MYO3B: variants seen among roughly 807,000 people sequenced by gnomAD.
The protein encoded by MYO3B is myosin IIIB.
A neutral mutation model predicts 174.6 loss-of-function variants in MYO3B; 156 were observed. That is an observed-to-expected ratio of 0.89 (90% CI 0.78 to 1.02). The LOEUF is 1.02. Ranked by LOEUF, MYO3B falls within the 50% of genes least tolerant of loss-of-function variation. The pLI, the probability that MYO3B is intolerant of heterozygous loss-of-function variation, is 0.00. For synonymous variants in MYO3B, 563 were observed against 569.1 expected, an observed-to-expected ratio of 0.99 and a Z score of 0.15; for missense variants, 1,632 against 1,639.4, an observed-to-expected ratio of 1.00 and a Z score of 0.08.
intron 7 of MYO3B, among the ~76,000 whole-genome samples, chr2:170,259,643 A>C (rs1445271473): frequency 1.3e-5 from 2 of 152,256 alleles, no homozygotes; most frequent in Admixed American, 1.3e-4. Context: ...TGGCCTTGGC[A>C]AAGAATTTAT....
intron 25 of MYO3B, among the ~76,000 whole-genome samples, chr2:170,474,968 A>G (rs946926168): frequency 2.0e-5 from 3 of 152,072 alleles, no homozygotes; most frequent in African/African-American, 4.8e-5. Flanking sequence ...CTAAATATAT[A>G]TAGTTACTAT....
intron 25 of MYO3B, among the ~76,000 whole-genome samples, chr2:170,473,274 CT>C (rs1451120716): frequency 1.3e-5 from 2 of 150,978 alleles, no homozygotes; most frequent in African/African-American, 4.9e-5. Flanking sequence ...TCCCGAGTAG[CT>C]GGGACTACAG....
chr2:170,370,149 C>T (rs1333541449), intron 9 of MYO3B, among the ~76,000 whole-genome samples: 1 of 152,132 alleles, frequency 6.6e-6, no homozygotes, highest in Admixed American at 6.6e-5. Flanking sequence ...TTCCTATGCT[C>T]AGCAATTATT....
intron 32 of MYO3B, among the ~76,000 whole-genome samples, chr2:170,552,786 C>A: frequency 6.6e-6 from 1 of 152,184 alleles, no homozygotes; most frequent in East Asian, 1.9e-4. Context: ...TTCATGGCAG[C>A]CCCTCCCATC....
chr2:170,470,102 CAAAAAAAAAAAA>C lies in MYO3B; in HGVS notation c.3014+3408_3014+3419del, dbSNP rs34472083. Among the ~76,000 whole-genome samples the C allele has an allele frequency of 1.7e-4, 8 of 46,366 alleles. 1 individual carries two copies. The highest frequency in any genetic ancestry group is 1.2e-4 in the Non-Finnish European group (3 of 25,810). 30.4% of individuals were successfully genotyped at this position (46,366 alleles called of 152,430 possible). On this transcript the variant is annotated intron_variant, in intron 25 of 34. Transcript: ENST00000408978. ...GGGCAACAAGAGCGAAACTCCGTCT[CAAAAAAAAAAAA>C]AAAAAAAAAAAAAAAAGAAGGAAAG...
rs530212165 is a variant in MYO3B at position 170,205,433 on chromosome 2, C to T, written c.321+5149C>T. ...CTCTCAGTAGAATTTTAATAGCATG[C>T]TTGCAATGCAAGAAAGCCTGTGCCT... On this transcript the variant is annotated intron_variant, in intron 3 of 34. Transcript: ENST00000408978. Among the ~76,000 whole-genome samples, 152 of 152,248 alleles carry T rather than the reference C, an allele frequency of 1.0e-3. 1 individual carries two copies. Among genetic ancestry groups the T allele is most frequent in the African/African-American group, 3.5e-3 (147 of 41,554 alleles).
chr2:170,535,004 A>C (rs1276947954), intron 30 of MYO3B, among the ~76,000 whole-genome samples: 1 of 152,164 alleles, frequency 6.6e-6, no homozygotes, highest in Admixed American at 6.5e-5. Flanking sequence ...GTAGCCACTC[A>C]ATCTAAAATT....
chr2:170,313,704 C>T (rs1421329836), intron 7 of MYO3B, among the ~76,000 whole-genome samples: 5 of 152,194 alleles, frequency 3.3e-5, no homozygotes, highest in Admixed American at 3.3e-4. Flanking sequence ...CTGACAGGGC[C>T]TCTCTTCCTC....
chr2:170,245,402 G>A (rs1054817130), intron 7 of MYO3B, among the ~76,000 whole-genome samples: 3 of 152,194 alleles, frequency 2.0e-5, no homozygotes, highest in Non-Finnish European at 4.4e-5. Context: ...CATGAGGTTT[G>A]ATAGAGCACC....
chr2:170,266,254 A>AT (rs1299873277), intron 7 of MYO3B, among the ~76,000 whole-genome samples: 4 of 152,222 alleles, frequency 2.6e-5, no homozygotes, highest in Admixed American at 1.3e-4. Flanking sequence ...TAATTTTTGG[A>AT]TTTTTTAGAG....
intron 22 of MYO3B, among the ~76,000 whole-genome samples, chr2:170,409,299 C>A (rs1024952973): frequency 1.4e-4 from 22 of 152,320 alleles, no homozygotes; most frequent in African/African-American, 4.6e-4. Context: ...CACCCAACTG[C>A]GGGAGGAACA....
chr2:170,272,204 C>A (rs1240316863), intron 7 of MYO3B, among the ~76,000 whole-genome samples: 1 of 151,912 alleles, frequency 6.6e-6, no homozygotes, highest in African/African-American at 2.4e-5. Flanking sequence ...ATTCACAGGC[C>A]CTAGCCTAGA....
intron 29 of MYO3B, among the ~76,000 whole-genome samples, chr2:170,515,664 T>C (rs757288721): frequency 6.6e-6 from 1 of 151,974 alleles, no homozygotes; most frequent in Non-Finnish European, 1.5e-5. Flanking sequence ...GAGGCTATGA[T>C]TTTTGAAGTA....
intron 7 of MYO3B, among the ~76,000 whole-genome samples, chr2:170,304,876 T>C (rs561682120): frequency 1.3e-5 from 2 of 152,120 alleles, no homozygotes; most frequent in African/African-American, 4.8e-5. Flanking sequence ...AGTTTTCTTT[T>C]GGCCTTCTAA....
At chr2:170,322,107 C>A (rs1358243383) in intron 7 of MYO3B, among the ~76,000 whole-genome samples, 1 of 137,304 alleles carries the variant, frequency 7.3e-6, no homozygotes, top group African/African-American at 2.8e-5. Context: ...AGCGAGACTC[C>A]GTCTCGAAAA....
intron 32 of MYO3B, among the ~76,000 whole-genome samples, chr2:170,570,994 A>C (rs1049956085): frequency 1.3e-5 from 2 of 152,176 alleles, no homozygotes; most frequent in Non-Finnish European, 2.9e-5. Flanking sequence ...TCTTTTGCTG[A>C]AGTAGGATTA....
chr2:170,545,389 A>C (rs982584413), intron 32 of MYO3B, among the ~76,000 whole-genome samples: 53 of 152,348 alleles, frequency 3.5e-4, no homozygotes, highest in African/African-American at 1.2e-3. Context: ...AAGGCATAGC[A>C]TAGTGTCTGG....
At chr2:170,590,362 TG>T (rs1693746541) in intron 32 of MYO3B, among the ~76,000 whole-genome samples, 1 of 152,116 alleles carries the variant, frequency 6.6e-6, no homozygotes, top group Admixed American at 6.5e-5. Flanking sequence ...ACACCTAAGG[TG>T]GTTGGAAGAA....
intron 16 of MYO3B, among the ~76,000 whole-genome samples, chr2:170,395,197 T>C (rs10184689): frequency 0.3 from 45,293 of 152,044 alleles, 6,686 homozygotes; most frequent in Non-Finnish European, 0.32. Context: ...ATAATGATGA[T>C]GACTCCTTGT....
Sources: gnomAD v4.1 joint callset for allele counts (sites outside exome capture counted in the v4.1 genomes callset) on GRCh38, gnomAD v4.1.1 for gene constraint, MANE v1.5 for transcripts, NCBI Gene and HGNC (gene_info 2026-07-23, HGNC 2026-07-21) for gene names.